GBF1: variants seen among roughly 807,000 people sequenced by gnomAD.
The protein encoded by GBF1 is Golgi-specific brefeldin A-resistance guanine nucleotide exchange factor 1.
A neutral mutation model predicts 210.5 loss-of-function variants in GBF1; 114 were observed. The observed-to-expected ratio is 0.54, with a 90% CI of 0.47 to 0.63. The LOEUF (loss-of-function observed/expected upper bound fraction) is 0.63, where lower values mean the gene tolerates loss of function less well. GBF1 is among the 30% of genes least tolerant of loss of function. The pLI is 0.00. For synonymous variants in GBF1, 850 were observed against 889.2 expected, an observed-to-expected ratio of 0.96 and a Z score of 0.78; for missense variants, 1,851 against 2,357.7, an observed-to-expected ratio of 0.79 and a Z score of 4.45.
chr10:102,276,989 C>CACAT (rs2075039347), intron 3 of GBF1, among the ~76,000 whole-genome samples: 1 of 151,862 alleles, frequency 6.6e-6, no homozygotes, highest in Admixed American at 6.6e-5. Context: ...CACACACACA[C>CACAT]ACATGCACAC....
intron 3 of GBF1, among the ~76,000 whole-genome samples, chr10:102,323,000 G>A (rs2056557200): frequency 6.6e-6 from 1 of 151,974 alleles, no homozygotes; most frequent in Admixed American, 6.6e-5. Flanking sequence ...CAAACTTTGT[G>A]GCTTAAACCG....
Position 102,361,868 on chromosome 10 carries a change from T to C in GBF1, c.1642T>C (p.Tyr548His), listed in dbSNP as rs1198220603. The change falls in exon 14 of 40, where the codon TAC becomes CAC. Residue 548 changes from tyrosine (Y) to histidine (H), a missense_variant. By Grantham distance (83) the Tyr-to-His change is moderately conservative. Transcript: ENST00000369983. ...ELYINYDCDY[Y>H]CSNLFEELTK... ...CTACATCAACTATGATTGTGACTACTACTGTTCCAACCTCTTTGAGGAACT... is the reference window on the plus strand; with the variant it reads ...CTACATCAACTATGATTGTGACTACCACTGTTCCAACCTCTTTGAGGAACT... The C allele has an allele frequency of 6.2e-7, 1 of 1,613,422 alleles. No homozygotes were observed.
At chr10:102,331,851 ATT>A (rs869198412) in intron 3 of GBF1, among the ~76,000 whole-genome samples, 48 of 85,342 alleles carry the variant, frequency 5.6e-4, no homozygotes, top group African/African-American at 1.9e-3. Flanking sequence ...TACCTGGCTA[ATT>A]TTTTTTTTTT....
rs780267006 is a variant in GBF1 at position 102,379,403 on chromosome 10, C to G, written c.4614C>G (p.Leu1538=). The change falls in exon 34 of 40, where the codon CTC becomes CTG. Residue 1538 remains leucine, a synonymous_variant. Transcript: ENST00000369983. ...GQKIEADSRT[L]WAHCWCPLLQ... is the part of the protein sequence containing the mutation. ...AGATTGAAGCTGATTCTCGCACCCT[C>G]TGGGCCCACTGCTGGTGCCCTTTAC... 6 of 1,614,144 alleles carry G rather than the reference C, an allele frequency of 3.7e-6. No individual in the cohort carries two copies. The highest frequency in any genetic ancestry group is 5.1e-6 in the Non-Finnish European group (6 of 1,180,020).
chr10:102,306,667 G>A (rs1175209643), intron 3 of GBF1, among the ~76,000 whole-genome samples: 1 of 152,196 alleles, frequency 6.6e-6, no homozygotes, highest in Admixed American at 6.5e-5. Context: ...CAGGTGATCT[G>A]CCCACCTGGG....
the GBF1 span, among the ~76,000 whole-genome samples, chr10:102,236,669 T>A: frequency 6.6e-6 from 1 of 152,162 alleles, no homozygotes; most frequent in African/African-American, 2.4e-5. Context: ...CACAACCCCA[T>A]GGCAATAAGT....
the GBF1 span, chr10:102,232,116 C>T: frequency 1.5e-6 from 2 of 1,323,700 alleles, no homozygotes; most frequent in Non-Finnish European, 1.1e-6. Flanking sequence ...AAGACACAGA[C>T]CAGGGTAATG....
chr10:102,251,560 A>G (rs78909007), intron 1 of GBF1, among the ~76,000 whole-genome samples: 7,903 of 151,968 alleles, frequency 0.052, 408 homozygotes, highest in African/African-American at 0.14. Context: ...TTTTATTTTC[A>G]TTTATTTATT....
At chr10:102,341,518 A>G (rs1182677428) in intron 3 of GBF1, among the ~76,000 whole-genome samples, 2 of 152,208 alleles carry the variant, frequency 1.3e-5, no homozygotes, top group African/African-American at 2.4e-5. Flanking sequence ...TCCATTCATA[A>G]TTGCCCCAAA....
At chr10:102,270,991 G>A (rs781718618) in intron 3 of GBF1, among the ~76,000 whole-genome samples, 51 of 151,842 alleles carry the variant, frequency 3.4e-4, no homozygotes, top group Admixed American at 9.2e-4. Context: ...GACTACAGGC[G>A]CATGCCACCA....
chr10:102,376,683 C>T lies in GBF1; in HGVS notation c.4171C>T (p.Leu1391Phe). 1 of 1,613,902 alleles carries T rather than the reference C, an allele frequency of 6.2e-7. No individual in the cohort carries two copies. Among genetic ancestry groups the T allele is most frequent in the Non-Finnish European group, 8.5e-7 (1 of 1,179,908 alleles). Residue 1391 changes from leucine to phenylalanine, a missense_variant, in exon 32 of 40, where the codon CTT becomes TTT. By Grantham distance (22) the Leu-to-Phe change is conservative. Around this residue, in one of 3 missense-constraint regions of GBF1, gnomAD observed 967 missense variants for 1,247.7 expected, o/e 0.78. Transcript: ENST00000369983. The part of the protein sequence containing the change: ...DLGPHDTKSL[L>F]KCVESLSFIV... ...GGGGCCACACGACACTAAGTCTCTG[C>T]TTAAGTGTGTGGAATCGCTGTCCTT...
At position 102,366,243 on chromosome 10, in the gene GBF1, G is replaced by A; in HGVS notation, c.2310-140G>A. On this transcript the variant is annotated intron_variant, in intron 18 of 39. Transcript: ENST00000369983. The surrounding 1 kb of genome is among the most constrained non-coding windows in gnomAD (Gnocchi z 4.0). ...TAAGGCTAGGGGTTGTGTTAGGGATGAACAGGAGATACTGCCCCTTTACTA... is the reference window on the plus strand; with the variant it reads ...TAAGGCTAGGGGTTGTGTTAGGGATAAACAGGAGATACTGCCCCTTTACTA... 1 of 781,598 alleles carries A rather than the reference G, an allele frequency of 1.3e-6. No homozygotes were observed. Among genetic ancestry groups the A allele is most frequent in the Non-Finnish European group, 2.1e-6 (1 of 470,874 alleles). The allele number at this position is 781,598 out of a possible 1,614,324, so 48.4% of individuals were successfully genotyped here.
At chr10:102,324,731 C>T (rs1203415601) in intron 3 of GBF1, among the ~76,000 whole-genome samples, 6 of 152,034 alleles carry the variant, frequency 3.9e-5, no homozygotes, top group Admixed American at 6.6e-5. Context: ...GGATTACAGG[C>T]GCCCGCCACC....
At chr10:102,308,010 T>A (rs2078066253) in intron 3 of GBF1, among the ~76,000 whole-genome samples, 1 of 152,070 alleles carries the variant, frequency 6.6e-6, no homozygotes, top group South Asian at 2.1e-4. Flanking sequence ...TATCAAGTGA[T>A]AGCAAGGATG....
At chr10:102,368,860 G>C in intron 23 of GBF1, 28 bp downstream of exon 23, 6 of 1,465,670 alleles carry the variant, frequency 4.1e-6, no homozygotes, top group Non-Finnish European at 5.7e-6. Flanking sequence ...CTGTGTACTT[G>C]GAGCTCCAAA....
intron 10 of GBF1, chr10:102,359,040 C>G: frequency 1.7e-6 from 1 of 592,928 alleles, no homozygotes; most frequent in Non-Finnish European, 3.0e-6. Flanking sequence ...GGCTCTGTGT[C>G]TCTAAGGTTC....
intron 1 of GBF1, among the ~76,000 whole-genome samples, chr10:102,247,030 T>C (rs890327134): frequency 6.6e-6 from 1 of 152,188 alleles, no homozygotes; most frequent in African/African-American, 2.4e-5. Context: ...ATAAACGTTA[T>C]CTCTATCTGG....
intron 3 of GBF1, among the ~76,000 whole-genome samples, chr10:102,340,267 C>CTTTT (rs1158590447): frequency 2.3e-4 from 19 of 83,542 alleles, no homozygotes; most frequent in Non-Finnish European, 3.8e-4. Context: ...TGGTCCATGC[C>CTTTT]TTTTTTTTTT....
At chr10:102,367,709 A>G (rs1262943544) in intron 21 of GBF1, 149 bp downstream of exon 21, 2 of 645,694 alleles carry the variant, frequency 3.1e-6, no homozygotes, top group Non-Finnish European at 5.6e-6. Context: ...CTCTCTGCCA[A>G]CTGTTTCTTC....
Sources: allele counts gnomAD v4.1 joint callset (sites outside exome capture counted in the v4.1 genomes callset), GRCh38; gene constraint gnomAD v4.1.1; regional missense constraint gnomAD v4.1.1; non-coding constraint Gnocchi (gnomAD v3.1); transcripts MANE v1.5; gene names NCBI Gene and HGNC (gene_info 2026-07-23, HGNC 2026-07-21).